HOXB5: variants seen among roughly 807,000 people sequenced by gnomAD.
HOXB5 encodes homeobox protein Hox-B5.
A neutral mutation model predicts 19.6 loss-of-function variants in HOXB5; 10 were observed. The ratio of observed to expected loss-of-function variants is 0.51; its 90% CI spans 0.32 to 0.87. The LOEUF (loss-of-function observed/expected upper bound fraction) is 0.87, where lower values mean the gene tolerates loss of function less well. Among genes scored for constraint, HOXB5 ranks in the 40% least tolerant of loss-of-function variants. The probability of loss-of-function intolerance (pLI) is 0.04; values close to 1 mark genes in which losing one functional copy is unlikely to be tolerated. For synonymous variants in HOXB5, 167 were observed against 156.9 expected (o/e 1.06, Z -0.48); for missense variants, 353 against 369.6 (o/e 0.96, Z 0.37).
Position 48,593,411 on chromosome 17 carries a change from C to T in HOXB5, c.272G>A (p.Ser91Asn). 1 of 1,607,628 alleles carries T rather than the reference C, an allele frequency of 6.2e-7. No individual in the cohort carries two copies. Among genetic ancestry groups the T allele is most frequent in the Non-Finnish European group, 8.5e-7 (1 of 1,176,244 alleles). Residue 91 changes from serine to asparagine, a missense_variant, in exon 1 of 2, where the codon AGC (serine) becomes AAC (asparagine). Coordinates refer to ENST00000239151, the MANE Select transcript of HOXB5 (RefSeq NM_002147.4). The stretch of plus-strand genomic sequence containing the variant: ...GGACTCGGGCGAGGACAGGGAGCAG[C>T]TCGAAGCCGCTTGCCTGAAGCGGGG... The part of the protein sequence containing the change: ...QEPRFRQAAS[S>N]CSLSSPESLP...
rs1422718686 is a variant in HOXB5 at position 48,591,903 on chromosome 17, G to A, written c.*306C>T. Reference sequence around the variant, plus strand: ...GAATTTCTTTTTTTTTTTTTCCTGGGGGAAAGACTGCAACCACAGACACAA... The same window carrying A: ...GAATTTCTTTTTTTTTTTTTCCTGGAGGAAAGACTGCAACCACAGACACAA... On this transcript the variant is annotated 3_prime_UTR_variant, in exon 2 of 2. Coordinates refer to ENST00000239151, the MANE Select transcript of HOXB5 (RefSeq NM_002147.4). 5.2e-6 allele frequency: 1 copy of A among 192,256 alleles called. No individual in the cohort carries two copies. Among genetic ancestry groups the A allele is most frequent in the Non-Finnish European group, 1.0e-5 (1 of 96,222 alleles). The allele number at this position is 192,256 out of a possible 1,614,324, so 11.9% of individuals were successfully genotyped here. A position where few individuals can be genotyped will look rare whatever the true frequency, so the allele number is the denominator to read the frequency against.
Position 48,593,181 on chromosome 17 carries a change from C to T in HOXB5, c.502G>A (p.Ala168Thr). ...QPEPMATSTA[A>T]PEGQTPQIFP... is the part of the protein sequence containing the mutation. Reference sequence around the variant, plus strand: ...ATTTGCGGAGTCTGCCCCTCGGGCGCGGCTGTGGAGGTGGCCATGGGCTCT... The same window carrying T: ...ATTTGCGGAGTCTGCCCCTCGGGCGTGGCTGTGGAGGTGGCCATGGGCTCT... Residue 168 changes from alanine to threonine, a missense_variant, in exon 1 of 2, where the codon GCG (alanine) becomes ACG (threonine). By Grantham distance (58) the Ala-to-Thr change is moderately conservative. Transcript: ENST00000239151. The T allele has an allele frequency of 1.3e-6, 2 of 1,597,962 alleles. No individual in the cohort carries two copies. Among genetic ancestry groups the T allele is most frequent in the Non-Finnish European group, 1.7e-6 (2 of 1,169,590 alleles).
At chr17:48,593,070 CAAAACGCAGAGAAGGAAAG>C in intron 1 of HOXB5, 32 bp downstream of exon 1, 1 of 1,039,432 alleles carries the variant, frequency 9.6e-7, no homozygotes, top group Non-Finnish European at 1.4e-6. Flanking sequence ...GATCCCACCC[CAAAACGCAGAGAAGGAAAG>C]CCGAGAAGAC....
chr17:48,593,061 A>ACCCCC, intron 1 of HOXB5, 60 bp downstream of exon 1: 1 of 331,726 alleles, frequency 3.0e-6, no homozygotes, highest in South Asian at 3.0e-5. Context: ...TGTCCCCCCG[A>ACCCCC]TCCCACCCCA....
Position 48,592,129 on chromosome 17 carries a change from G to A in HOXB5, c.*80C>T, listed in dbSNP as rs1597864705. 2 of 1,503,356 alleles carry A rather than the reference G, an allele frequency of 1.3e-6. No individual in the cohort carries two copies. The highest frequency in any genetic ancestry group is 2.6e-5 in the South Asian group (2 of 78,400). 93.1% of individuals were successfully genotyped at this position (1,503,356 alleles called of 1,614,324 possible). ...TGTGGGAACCGGTCCCCAGCGGGCG[G>A]CGGCAGAGCGGGGAGGATTGGAGGG... On this transcript the variant is annotated 3_prime_UTR_variant, in exon 2 of 2. Coordinates refer to ENST00000239151, the MANE Select transcript of HOXB5 (RefSeq NM_002147.4).
intron 1 of HOXB5, 68 bp downstream of exon 1, chr17:48,593,053 T>TTGC: frequency 3.2e-6 from 2 of 621,650 alleles, no homozygotes; most frequent in Non-Finnish European, 5.7e-6. Context: ...GCTCTCCTTG[T>TTGC]CCCCCCGATC....
At chr17:48,592,985 C>T in intron 1 of HOXB5, 136 bp downstream of exon 1, 1 of 602,836 alleles carries the variant, frequency 1.7e-6, no homozygotes, top group Non-Finnish European at 2.7e-6. Context: ...AGCTATGAGG[C>T]CCCTCTTAGA....
chr17:48,593,177 G>A lies in HOXB5; in HGVS notation c.506C>T (p.Pro169Leu), dbSNP rs759044335. 7 of 1,594,338 alleles carry A rather than the reference G, an allele frequency of 4.4e-6. No individual in the cohort carries two copies. The East Asian group carries it at 1.4e-4, about 31-fold the overall frequency. ...GAATATTTGCGGAGTCTGCCCCTCG[G>A]GCGCGGCTGTGGAGGTGGCCATGGG... ...PEPMATSTAA[P>L]EGQTPQIFPW... Residue 169 changes from proline (P) to leucine (L), a missense_variant, in exon 1 of 2, where the codon CCC (proline) becomes CTC (leucine). Pro to Leu is a moderately conservative substitution (Grantham distance 98). Transcript: ENST00000239151.
intron 1 of HOXB5, 57 bp downstream of exon 1, chr17:48,593,064 C>CCCCCCCCAAAAAGCAAACAAGGA: frequency 1.4e-6 from 1 of 725,180 alleles, no homozygotes. Context: ...CCCCCCGATC[C>CCCCCCCCAAAAAGCAAACAAGGA]CACCCCAAAA....
At chr17:48,592,659 A>G (rs954540889) in intron 1 of HOXB5, among the ~76,000 whole-genome samples, 2 of 152,122 alleles carry the variant, frequency 1.3e-5, no homozygotes, top group African/African-American at 4.8e-5. Context: ...GCAGGCAGCC[A>G]GTGCGCCCGG....
rs773492913 is a variant in HOXB5 at position 48,592,318 on chromosome 17, G to C, written c.701C>G (p.Ser234Cys). Residue 234 changes from serine (S) to cysteine (C), a missense_variant, in exon 2 of 2, where the codon TCC becomes TGC. Transcript: ENST00000239151. Reference protein sequence around the residue: ...RIEIAHALCLSERQIKIWFQN... With the variant: ...RIEIAHALCLCERQIKIWFQN... ...GAACCAGATCTTGATCTGGCGCTCG[G>C]ACAGGCAGAGTGCGTGGGCGATCTC... is the stretch of plus-strand genomic sequence containing the variant. 1.9e-5 allele frequency: 30 copies of C among 1,614,014 alleles called. No individual in the cohort carries two copies. Among genetic ancestry groups the C allele is most frequent in the Non-Finnish European group, 2.5e-5 (30 of 1,180,034 alleles).
At position 48,592,430 on chromosome 17, in the gene HOXB5, C is replaced by A. The variant is rs1291830647; in HGVS notation, c.589G>T (p.Ala197Ser). Residue 197 changes from alanine (A) to serine (S), a missense_variant, in exon 2 of 2, where the codon GCC (alanine) becomes TCC (serine). Transcript: ENST00000239151. Reference protein sequence around the residue: ...HDMTGPDGKRARTAYTRYQTL... With the variant: ...HDMTGPDGKRSRTAYTRYQTL... The stretch of plus-strand genomic sequence containing the variant: ...TGGTAGCGGGTATACGCGGTCCGGG[C>A]CCTTTTCCCGTCCGGCCCGGTCATA... The A allele has an allele frequency of 1.2e-6, 2 of 1,613,902 alleles. No homozygotes were observed. The highest frequency in any genetic ancestry group is 3.3e-5 in the Admixed American group (2 of 60,008).
chr17:48,593,059 C>CCCAACCACCCCCA, intron 1 of HOXB5, 62 bp downstream of exon 1: 11 of 637,336 alleles, frequency 1.7e-5, no homozygotes, highest in East Asian at 6.4e-5. Flanking sequence ...CTTGTCCCCC[C>CCCAACCACCCCCA]GATCCCACCC....
intron 1 of HOXB5, 119 bp downstream of exon 1, chr17:48,593,002 T>C (rs1471261511): frequency 2.7e-6 from 2 of 754,458 alleles, no homozygotes; most frequent in African/African-American, 3.5e-5. Flanking sequence ...TAGATACTTC[T>C]CCCCCTTAGA....
chr17:48,592,207 G>A lies in HOXB5; in HGVS notation c.*2C>T, dbSNP rs958057376. ...TGGGCCGCTGGGCTCCTCTGGGCGG[G>A]CTCAGGGCTGGAAGGCGCTGCCAGC... On this transcript the variant is annotated 3_prime_UTR_variant, in exon 2 of 2. Coordinates refer to ENST00000239151, the MANE Select transcript of HOXB5 (RefSeq NM_002147.4). The A allele has an allele frequency of 6.8e-6, 11 of 1,612,740 alleles. No homozygotes were observed. Among genetic ancestry groups the A allele is most frequent in the South Asian group, 1.1e-5 (1 of 91,040 alleles).
Position 48,593,449 on chromosome 17 carries a change from C to T in HOXB5, c.234G>A (p.Ala78=), listed in dbSNP as rs370630262. ...AVGESSRAFP[A]PAQEPRFRQA... is the part of the protein sequence containing the mutation. ...GCCTGAAGCGGGGCTCCTGGGCGGGCGCGGGGAAGGCGCGCGAGCTCTCGC... is the reference window on the plus strand; with the variant it reads ...GCCTGAAGCGGGGCTCCTGGGCGGGTGCGGGGAAGGCGCGCGAGCTCTCGC... The change falls in exon 1 of 2, where the codon GCG becomes GCA. Residue 78 remains alanine (A), a synonymous_variant. Transcript: ENST00000239151. The T allele has an allele frequency of 2.5e-5, 40 of 1,610,552 alleles. No homozygotes were observed. The East Asian group carries it at 3.1e-4, about 13-fold the overall frequency.
intron 1 of HOXB5, among the ~76,000 whole-genome samples, 188 bp downstream of exon 1, chr17:48,592,932 AC>A (rs1014581186): frequency 2.6e-5 from 4 of 151,968 alleles, no homozygotes; most frequent in African/African-American, 7.3e-5. Flanking sequence ...TATTAAAAAT[AC>A]CCCCCTCTTA....
In HOXB5 at chr17:48,591,431, C is replaced by A. The variant is rs1376940983; in HGVS notation, c.*778G>T. ...AAGGGAGAGATGGGTCTGACCCAGA[C>A]TATCCCCATATTTACAAGCTTTGGG... On this transcript the variant is annotated 3_prime_UTR_variant, in exon 2 of 2. Coordinates refer to ENST00000239151, the MANE Select transcript of HOXB5 (RefSeq NM_002147.4). 1.3e-5 allele frequency: 2 copies of A among 152,698 alleles called. No homozygotes were observed. The highest frequency in any genetic ancestry group is 4.8e-5 in the African/African-American group (2 of 41,462). The allele number at this position is 152,698 out of a possible 1,614,324, so 9.5% of individuals were successfully genotyped here. A position where few individuals can be genotyped will look rare whatever the true frequency, so the allele number is the denominator to read the frequency against.
In HOXB5 at chr17:48,592,035, C is replaced by A; in HGVS notation, c.*174G>T. ...TAACAATAATAACAAGATAACCAGTCCAGGAGAGAGGGAGCCACAGGAAGA... is the reference window on the plus strand; with the variant it reads ...TAACAATAATAACAAGATAACCAGTACAGGAGAGAGGGAGCCACAGGAAGA... On this transcript the variant is annotated 3_prime_UTR_variant, in exon 2 of 2. Coordinates refer to ENST00000239151, the MANE Select transcript of HOXB5 (RefSeq NM_002147.4). 1 of 607,902 alleles carries A rather than the reference C, an allele frequency of 1.6e-6. No individual in the cohort carries two copies. The highest frequency in any genetic ancestry group is 2.9e-6 in the Non-Finnish European group (1 of 348,744). 37.7% of individuals were successfully genotyped at this position (607,902 alleles called of 1,614,324 possible).
Sources: allele counts gnomAD v4.1 joint callset (sites outside exome capture counted in the v4.1 genomes callset), GRCh38; gene constraint gnomAD v4.1.1; transcripts MANE v1.5; gene names NCBI Gene and HGNC (gene_info 2026-07-23, HGNC 2026-07-21).